Variants in DCTN4 observed in about 807,000 individuals in gnomAD.
DCTN4 encodes dynactin subunit 4.
DCTN4 carries 23 observed loss-of-function variants against 62.7 expected under a neutral mutation model. The ratio of observed to expected loss-of-function variants is 0.37; its 90% CI spans 0.26 to 0.52. The LOEUF (loss-of-function observed/expected upper bound fraction) is 0.52, where lower values mean the gene tolerates loss of function less well. Ranked by LOEUF, DCTN4 falls within the 20% of genes least tolerant of loss-of-function variation. DCTN4 has a pLI of 0.92. For missense variants in DCTN4, 514 were observed against 580.4 expected, an observed-to-expected ratio of 0.89 and a Z score of 1.18; for synonymous variants, 199 against 202.1, an observed-to-expected ratio of 0.98 and a Z score of 0.13.
chr5:150,731,240 C>A, intron 6 of DCTN4, 84 bp from the exon 7 acceptor site: 1 of 1,032,124 alleles, frequency 9.7e-7, no homozygotes, highest in South Asian at 1.3e-5. Flanking sequence ...TCTATGATAT[C>A]AATAATTGAA....
At chr5:150,735,249 C>G (rs1201558788) in intron 4 of DCTN4, among the ~76,000 whole-genome samples, 1 of 152,228 alleles carries the variant, frequency 6.6e-6, no homozygotes, top group Non-Finnish European at 1.5e-5. Context: ...AAGAACAACC[C>G]TGCCCTCAAA....
intron 3 of DCTN4, among the ~76,000 whole-genome samples, chr5:150,752,595 C>T (rs924956815): frequency 6.6e-6 from 1 of 152,180 alleles, no homozygotes; most frequent in African/African-American, 2.4e-5. Context: ...TTCTAGCCAA[C>T]ACTTGATACA....
intron 12 of DCTN4, among the ~76,000 whole-genome samples, chr5:150,715,157 A>C: frequency 8.2e-6 from 1 of 122,124 alleles, no homozygotes; most frequent in Non-Finnish European, 1.6e-5. Context: ...TAATTCCTCC[A>C]AGGGGGTGGG....
chr5:150,734,758 T>C (rs1045273789), intron 4 of DCTN4, among the ~76,000 whole-genome samples: 22 of 152,336 alleles, frequency 1.4e-4, no homozygotes, highest in African/African-American at 4.6e-4. Context: ...GCTTGTAGCC[T>C]GGGCCAAAAT....
Position 150,756,442 on chromosome 5 carries a change from C to T in DCTN4, c.181G>A (p.Ala61Thr). The T allele has an allele frequency of 6.2e-7, 1 of 1,602,990 alleles. No homozygotes were observed. Among genetic ancestry groups the T allele is most frequent in the Non-Finnish European group, 8.5e-7 (1 of 1,175,726 alleles). Reference protein sequence around the residue: ...CPSCLENMPSAEAKLKKNRCA... With the variant: ...CPSCLENMPSTEAKLKKNRCA... Reference sequence around the variant, plus strand: ...CTATTCTTTTTTAGTTTGGCTTCAGCCGATGGCATATTTTCTAAACAACTG... The same window carrying T: ...CTATTCTTTTTTAGTTTGGCTTCAGTCGATGGCATATTTTCTAAACAACTG... The change falls in exon 2 of 13, where the codon GCT becomes ACT. Residue 61 changes from alanine (A) to threonine (T), a missense_variant. Physicochemically the swap from Ala to Thr is moderately conservative, Grantham distance 58. Coordinates refer to ENST00000447998, the MANE Select transcript of DCTN4 (RefSeq NM_016221.4).
At chr5:150,723,235 C>A (rs148452241) in intron 8 of DCTN4, among the ~76,000 whole-genome samples, 2 of 152,310 alleles carry the variant, frequency 1.3e-5, no homozygotes, top group East Asian at 3.9e-4. Context: ...ATAACACATA[C>A]TGAGTACATA....
At chr5:150,748,012 A>C (rs1238197886) in intron 3 of DCTN4, among the ~76,000 whole-genome samples, 11 of 147,462 alleles carry the variant, frequency 7.5e-5, no homozygotes, top group Non-Finnish European at 1.0e-4. Context: ...CAACCTACAA[A>C]ATGGGAGAAA....
chr5:150,748,681 A>G (rs1241022558), intron 3 of DCTN4, among the ~76,000 whole-genome samples: 4 of 150,994 alleles, frequency 2.6e-5, no homozygotes, highest in African/African-American at 7.3e-5. Context: ...GTAAACTATC[A>G]CAAGGACAAA....
At chr5:150,748,575 G>A (rs1312522678) in intron 3 of DCTN4, among the ~76,000 whole-genome samples, 3 of 150,012 alleles carry the variant, frequency 2.0e-5, no homozygotes, top group Non-Finnish European at 4.5e-5. Context: ...AAGAAAATGT[G>A]GCACATATAC....
At chr5:150,745,791 A>G (rs573197693) in intron 3 of DCTN4, among the ~76,000 whole-genome samples, 93 of 152,184 alleles carry the variant, frequency 6.1e-4, no homozygotes, top group Non-Finnish European at 1.1e-3. Context: ...CATTCAAAGC[A>G]GTGTGTAGAG....
intron 3 of DCTN4, among the ~76,000 whole-genome samples, chr5:150,749,786 T>C (rs549067084): frequency 1.5e-4 from 23 of 152,336 alleles, no homozygotes; most frequent in East Asian, 7.7e-4. Context: ...CAAAGAGTTA[T>C]AGGCAAATGT....
intron 3 of DCTN4, among the ~76,000 whole-genome samples, chr5:150,744,611 C>T (rs1326633470): frequency 2.0e-5 from 3 of 151,862 alleles, no homozygotes; most frequent in Non-Finnish European, 4.4e-5. Context: ...ACTCTACAAG[C>T]CAGAAGAGAG....
At chr5:150,737,187 C>G (rs1348570252) in intron 4 of DCTN4, among the ~76,000 whole-genome samples, 2 of 152,028 alleles carry the variant, frequency 1.3e-5, no homozygotes, top group Non-Finnish European at 2.9e-5. Flanking sequence ...AACGCTCCAC[C>G]AACAGCACTA....
intron 4 of DCTN4, 22 bp from the exon 5 acceptor site, chr5:150,733,497 A>G: frequency 6.4e-7 from 1 of 1,572,048 alleles, no homozygotes; most frequent in Non-Finnish European, 8.7e-7. Context: ...TCACAGACTC[A>G]GTACACAAAA....
At chr5:150,716,196 G>A (rs189375917) in intron 11 of DCTN4, among the ~76,000 whole-genome samples, 2 of 152,256 alleles carry the variant, frequency 1.3e-5, no homozygotes, top group East Asian at 1.9e-4. Flanking sequence ...GAGCCACCGC[G>A]CCTAGCCCTA....
At position 150,756,506 on chromosome 5, in the gene DCTN4, GA is replaced by G. The variant is rs760891394; in HGVS notation, c.136-20del. ...AGTCCACCTAGGAGGAAACAAGAAA[GA>G]AAAAAAAAACCAGAGGAGAACTCAG... On this transcript the variant is annotated intron_variant, in intron 1 of 12. Transcript: ENST00000447998. 605 of 1,392,326 alleles carry G rather than the reference GA, an allele frequency of 4.3e-4. No homozygotes were observed. The highest frequency in any genetic ancestry group is 9.7e-4 in the African/African-American group (65 of 66,796). The allele number at this position is 1,392,326 out of a possible 1,614,324, so 86.2% of individuals were successfully genotyped here. A position where few individuals can be genotyped will look rare whatever the true frequency, so the allele number is the denominator to read the frequency against.
At chr5:150,721,260 A>T (rs1256111531) in intron 9 of DCTN4, among the ~76,000 whole-genome samples, 1 of 152,224 alleles carries the variant, frequency 6.6e-6, no homozygotes, top group Non-Finnish European at 1.5e-5. Flanking sequence ...ATCTCAATTT[A>T]ACCAACTATT....
rs755934669 is a variant in DCTN4, at chr5:150,731,474, C to T, written c.553G>A (p.Gly185Arg). 6.2e-7 allele frequency: 1 copy of T among 1,613,554 alleles called. No individual in the cohort carries two copies. Among genetic ancestry groups the T allele is most frequent in the Non-Finnish European group, 8.5e-7 (1 of 1,179,958 alleles). The stretch of plus-strand genomic sequence containing the variant: ...GCTCGTGGTCGCTGAAGCCTGGTTC[C>T]AAGACCATATTTGTCCTAAACAAAG... ...PLAFSDKYGLGTRLQRPRAGA... is the reference protein window; with the variant it reads ...PLAFSDKYGLRTRLQRPRAGA... Residue 185 changes from glycine to arginine, a missense_variant, in exon 6 of 13, where the codon GGA becomes AGA. By Grantham distance (125) the Gly-to-Arg change is moderately radical. Coordinates refer to ENST00000447998, the MANE Select transcript of DCTN4 (RefSeq NM_016221.4).
chr5:150,750,131 G>C (rs1021452423), intron 3 of DCTN4, among the ~76,000 whole-genome samples: 11 of 152,142 alleles, frequency 7.2e-5, no homozygotes, highest in Admixed American at 3.9e-4. Context: ...CAGAAATGTT[G>C]TGTATCATGA....
Sources: gnomAD v4.1 joint callset for allele counts (sites outside exome capture counted in the v4.1 genomes callset) on GRCh38, gnomAD v4.1.1 for gene constraint, MANE v1.5 for transcripts, NCBI Gene and HGNC (gene_info 2026-07-23, HGNC 2026-07-21) for gene names.